The following COLEC10 variants were observed in gnomAD, a reference collection of about 807,000 sequenced individuals.
The protein encoded by COLEC10 is collectin subfamily member 10.
In COLEC10, 22 loss-of-function variants were observed where a neutral mutation model predicts 28.4. The ratio of observed to expected loss-of-function variants is 0.78; its 90% CI spans 0.55 to 1.11. COLEC10 has a LOEUF of 1.11. COLEC10 is among the 50% of genes least tolerant of loss of function. The probability of loss-of-function intolerance (pLI) is 0.00; values close to 1 mark genes in which losing one functional copy is unlikely to be tolerated. For synonymous variants in COLEC10, 125 were observed against 116.1 expected, an observed-to-expected ratio of 1.08 and a Z score of -0.49; for missense variants, 361 against 344.1, an observed-to-expected ratio of 1.05 and a Z score of -0.39.
intron 1 of COLEC10, chr8:118,995,617 A>C (rs1425230796): frequency 2.0e-5 from 3 of 152,126 alleles, no homozygotes; most frequent in South Asian, 2.1e-4. Flanking sequence ...TGGTGCATGA[A>C]ACAATTTGTT....
At chr8:118,972,575 T>G in the COLEC10 span, among the ~76,000 whole-genome samples, 8 of 151,852 alleles carry the variant, frequency 5.3e-5, no homozygotes, top group Non-Finnish European at 7.4e-5. Context: ...CCCTAAAAAC[T>G]AAAACAAACA....
intron 1 of COLEC10, among the ~76,000 whole-genome samples, chr8:119,087,735 C>T (rs949208149): frequency 1.3e-5 from 2 of 152,106 alleles, no homozygotes; most frequent in South Asian, 2.1e-4. Flanking sequence ...CCACCATCTG[C>T]TAAGAGTCAC....
At chr8:119,089,612 A>C (rs1195151141) in intron 1 of COLEC10, 68 bp from the exon 2 acceptor site, 1 of 1,262,330 alleles carries the variant, frequency 7.9e-7, no homozygotes, top group Non-Finnish European at 1.2e-6. Flanking sequence ...TGTCCACCTT[A>C]CCCTGGGAGA....
upstream of COLEC10, chr8:119,067,231 A>C (rs769871181): frequency 6.3e-7 from 1 of 1,587,888 alleles, no homozygotes; most frequent in Admixed American, 1.7e-5. Flanking sequence ...ATTTAAAATA[A>C]AGCTGTTTAT....
At chr8:119,020,630 C>A (rs1814074011) in intron 2 of COLEC10, among the ~76,000 whole-genome samples, 1 of 152,104 alleles carries the variant, frequency 6.6e-6, no homozygotes, top group African/African-American at 2.4e-5. Context: ...AAGTAGCTAA[C>A]TGAGCAAATA....
chr8:119,098,132 C>T (rs895696866), intron 3 of COLEC10, among the ~76,000 whole-genome samples: 5 of 151,950 alleles, frequency 3.3e-5, no homozygotes, highest in Non-Finnish European at 5.9e-5. Context: ...TTTTAATGGT[C>T]ATTCTAGATT....
At chr8:119,024,240 A>ACATT (rs1814148467) in intron 2 of COLEC10, among the ~76,000 whole-genome samples, 1 of 152,158 alleles carries the variant, frequency 6.6e-6, no homozygotes, top group South Asian at 2.1e-4. Context: ...CATTCATAGA[A>ACATT]CATTCCTTGA....
chr8:118,992,248 G>C (rs933860817), upstream of COLEC10, among the ~76,000 whole-genome samples: 3 of 152,100 alleles, frequency 2.0e-5, no homozygotes, highest in South Asian at 6.2e-4. Flanking sequence ...CAGTTGAAGT[G>C]AAAGGATCTT....
At chr8:118,955,964 A>G in the COLEC10 span, among the ~76,000 whole-genome samples, 1,055 of 152,320 alleles carry the variant, frequency 6.9e-3, 14 homozygotes, top group African/African-American at 0.024. Context: ...ATTACAACAA[A>G]CTATCATAAA....
Position 119,077,569 on chromosome 8 carries a change from G to A in COLEC10, c.148+10140G>A, listed in dbSNP as rs186906113. Among the ~76,000 whole-genome samples, 422 of 152,148 alleles carry A rather than the reference G, an allele frequency of 2.8e-3. 3 individuals are homozygous for A. Among genetic ancestry groups the A allele is most frequent in the South Asian group, 0.02 (98 of 4,812 alleles). On this transcript the variant is annotated intron_variant, in intron 1 of 5. Coordinates refer to ENST00000332843, the MANE Select transcript of COLEC10 (RefSeq NM_006438.5). Reference sequence around the variant, plus strand: ...AGAAAAATGACTGGGCAGTGGAGAGGGTAGAGCATGGAATTCTATAGCATC... The same window carrying A: ...AGAAAAATGACTGGGCAGTGGAGAGAGTAGAGCATGGAATTCTATAGCATC...
chr8:119,091,266 G>T (rs1587057843), intron 3 of COLEC10, 46 bp downstream of exon 3: 6 of 1,442,144 alleles, frequency 4.2e-6, no homozygotes, highest in Middle Eastern at 1.7e-4. Context: ...AAAGCAAATT[G>T]AGGCCGGGTA....
At chr8:119,059,534 G>T (rs934903407) in intron 2 of COLEC10, among the ~76,000 whole-genome samples, 2 of 152,058 alleles carry the variant, frequency 1.3e-5, no homozygotes, top group African/African-American at 2.4e-5. Context: ...GTATTTCTGG[G>T]CTTACTAGTT....
chr8:119,039,289 G>T (rs1385508), intron 2 of COLEC10, among the ~76,000 whole-genome samples: 6,326 of 152,158 alleles, frequency 0.042, 188 homozygotes, highest in East Asian at 0.16. Flanking sequence ...TGAAATAGCT[G>T]CTCCTCCAGA....
At chr8:119,091,573 A>AAG (rs765113777) in intron 3 of COLEC10, among the ~76,000 whole-genome samples, 4,581 of 140,500 alleles carry the variant, frequency 0.033, 111 homozygotes, top group Non-Finnish European at 0.053. Context: ...GAAAGAAAGA[A>AAG]AGAGAGAGAG....
chr8:119,055,045 A>G (rs988607093), intron 2 of COLEC10, among the ~76,000 whole-genome samples: 26 of 152,150 alleles, frequency 1.7e-4, no homozygotes, highest in Non-Finnish European at 1.5e-5. Flanking sequence ...TAAAAAAGAA[A>G]CAGATTATTT....
intron 2 of COLEC10, among the ~76,000 whole-genome samples, chr8:119,010,116 G>A (rs1023230690): frequency 1.3e-5 from 2 of 150,738 alleles, no homozygotes; most frequent in African/African-American, 5.0e-5. Context: ...CACAATCACA[G>A]TATCATGCAG....
At chr8:119,085,622 TGTTG>T (rs1241716276) in intron 1 of COLEC10, among the ~76,000 whole-genome samples, 4 of 90,660 alleles carry the variant, frequency 4.4e-5, no homozygotes, top group Admixed American at 1.2e-4. Context: ...TTTTTTTTTT[TGTTG>T]TTGTTGTTGT....
At chr8:119,075,437 C>A (rs1326377558) in intron 1 of COLEC10, among the ~76,000 whole-genome samples, 1 of 152,196 alleles carries the variant, frequency 6.6e-6, no homozygotes, top group African/African-American at 2.4e-5. Context: ...CAGTAAAAAT[C>A]TGACACTCAG....
intron 1 of COLEC10, chr8:119,009,362 TTC>T (rs147209307): frequency 0.045 from 6,744 of 150,056 alleles, 404 homozygotes; most frequent in East Asian, 0.16. Flanking sequence ...CCAGACTAAG[TTC>T]TCTCTCTCTC....
Sources: gnomAD v4.1 joint callset for allele counts (sites outside exome capture counted in the v4.1 genomes callset) on GRCh38, gnomAD v4.1.1 for gene constraint, MANE v1.5 for transcripts, NCBI Gene and HGNC (gene_info 2026-07-23, HGNC 2026-07-21) for gene names.